Variants in SLC17A1 observed in about 807,000 individuals in gnomAD.
SLC17A1 encodes solute carrier family 17 member 1, also known as sodium-dependent phosphate transport protein 1.
In SLC17A1, 51 loss-of-function variants were observed where a neutral mutation model predicts 53.5. That is an observed-to-expected ratio of 0.95 (90% CI 0.76 to 1.20). The LOEUF (loss-of-function observed/expected upper bound fraction) is 1.20, where lower values mean the gene tolerates loss of function less well. Ranked by LOEUF, SLC17A1 falls within the 50% of genes most tolerant of loss-of-function variation. The pLI is 0.00. For synonymous variants in SLC17A1, 179 were observed against 198.8 expected (o/e 0.90, Z 0.84); for missense variants, 538 against 568.2 (o/e 0.95, Z 0.54).
chr6:25,736,193 T>C, the SLC17A1 span, among the ~76,000 whole-genome samples: 1 of 152,166 alleles, frequency 6.6e-6, no homozygotes, highest in East Asian at 1.9e-4. Flanking sequence ...CAGCTTTTCT[T>C]TCTAGTCTAC....
At chr6:25,821,227 C>T (rs1444516856) in intron 3 of SLC17A1, among the ~76,000 whole-genome samples, 3 of 152,088 alleles carry the variant, frequency 2.0e-5, no homozygotes, top group African/African-American at 4.8e-5. Flanking sequence ...TCACTATTAT[C>T]CCTCCATTCT....
chr6:25,803,314 T>G (rs1419489167), intron 10 of SLC17A1, among the ~76,000 whole-genome samples: 1 of 152,110 alleles, frequency 6.6e-6, no homozygotes, highest in Non-Finnish European at 1.5e-5. Flanking sequence ...GCACTGAGTT[T>G]GTGTAGATCT....
downstream of SLC17A1, chr6:25,780,330 C>T (rs1310912444): frequency 6.6e-6 from 1 of 152,136 alleles, no homozygotes; most frequent in East Asian, 1.9e-4. Context: ...GTAATAACAA[C>T]TGTAGAAATA....
At chr6:25,727,220 G>A in the SLC17A1 span, 18,540 of 1,613,970 alleles carry the variant, frequency 0.011, 428 homozygotes, top group African/African-American at 0.094. Context: ...GCTTGCTACT[G>A]CCGGGAGAGC....
At chr6:25,798,221 CT>C (rs1296695872) in intron 12 of SLC17A1, among the ~76,000 whole-genome samples, 1 of 152,134 alleles carries the variant, frequency 6.6e-6, no homozygotes, top group African/African-American at 2.4e-5. Flanking sequence ...CAAAATTATT[CT>C]ACAAAGAGAC....
the SLC17A1 span, chr6:25,773,367 T>C: frequency 1.9e-5 from 31 of 1,613,964 alleles, no homozygotes; most frequent in Non-Finnish European, 8.5e-6. Flanking sequence ...TGAGAAGAGA[T>C]ACATTGTGTG....
At chr6:25,821,270 C>G (rs1337933526) in intron 3 of SLC17A1, among the ~76,000 whole-genome samples, 1 of 152,092 alleles carries the variant, frequency 6.6e-6, no homozygotes, top group Non-Finnish European at 1.5e-5. Flanking sequence ...TCACTGTCAC[C>G]CTATAGCTGT....
the SLC17A1 span, among the ~76,000 whole-genome samples, chr6:25,774,704 C>T: frequency 1.3e-5 from 2 of 152,068 alleles, no homozygotes; most frequent in South Asian, 2.1e-4. Context: ...TGGGCTTGAC[C>T]CTCAGAGGCC....
At chr6:25,811,899 C>T (rs2151491894) in intron 8 of SLC17A1, 129 bp from the exon 9 acceptor site, 1 of 978,714 alleles carries the variant, frequency 1.0e-6, no homozygotes, top group South Asian at 1.7e-5. Flanking sequence ...CAACATACAA[C>T]AACAGAATTA....
At chr6:25,758,317 G>A in the SLC17A1 span, among the ~76,000 whole-genome samples, 2 of 152,180 alleles carry the variant, frequency 1.3e-5, no homozygotes, top group Non-Finnish European at 2.9e-5. Context: ...ACCAGCAACT[G>A]TCTCTAAAAA....
Position 25,819,588 on chromosome 6 carries a change from G to T in SLC17A1, c.452C>A (p.Ala151Glu), listed in dbSNP as rs1159531949. ...GACATATATTTCAAACTGGGCTGTT[G>T]CAACTATCCCCTGAAATGAGAAAGG... ...AVQGAAQGIV[A>E]TAQFEIYVKW... Residue 151 changes from alanine (A) to glutamate (E), a missense_variant, in exon 5 of 13, where the codon GCA becomes GAA. Physicochemically the swap from Ala to Glu is moderately radical, Grantham distance 107 (BLOSUM62 -1). Coordinates refer to ENST00000244527, the MANE Select transcript of SLC17A1 (RefSeq NM_005074.5). 1.2e-6 allele frequency: 2 copies of T among 1,613,862 alleles called. No individual in the cohort carries two copies. The highest frequency in any genetic ancestry group is 2.7e-5 in the African/African-American group (2 of 74,908).
chr6:25,814,710 A>G (rs984590172), intron 6 of SLC17A1, among the ~76,000 whole-genome samples: 2 of 152,162 alleles, frequency 1.3e-5, no homozygotes, highest in African/African-American at 4.8e-5. Flanking sequence ...TGGGCTGGGC[A>G]TGGTGGCTCA....
downstream of SLC17A1, chr6:25,781,237 CAAAGAAAG>C (rs4052636): frequency 6.8e-6 from 1 of 146,096 alleles, no homozygotes; most frequent in Non-Finnish European, 1.5e-5. Context: ...AAGAAAGAAA[CAAAGAAAG>C]AAAGAAAGAG....
intron 4 of SLC17A1, 37 bp from the exon 5 acceptor site, chr6:25,819,635 C>A (rs1240959444): frequency 6.2e-7 from 1 of 1,611,870 alleles, no homozygotes; most frequent in Non-Finnish European, 8.5e-7. Context: ...ATCTCTAATA[C>A]TTCCTGTGAA....
At chr6:25,743,087 A>G in the SLC17A1 span, among the ~76,000 whole-genome samples, 6 of 152,232 alleles carry the variant, frequency 3.9e-5, no homozygotes, top group Admixed American at 3.9e-4. Flanking sequence ...ATGGAAATGA[A>G]TGAGAATCAT....
chr6:25,726,828 A>C, the SLC17A1 span: 7 of 1,488,012 alleles, frequency 4.7e-6, no homozygotes, highest in Middle Eastern at 9.2e-4. Context: ...GCTGTTTAAT[A>C]CTGAAGAGCT....
At chr6:25,769,328 G>A in the SLC17A1 span, 4 of 819,136 alleles carry the variant, frequency 4.9e-6, no homozygotes, top group East Asian at 8.0e-5. Flanking sequence ...AAGTACCTAA[G>A]TATCAGGCCG....
intron 11 of SLC17A1, 103 bp downstream of exon 11, chr6:25,800,787 A>C: frequency 2.8e-6 from 2 of 714,950 alleles, no homozygotes; most frequent in Non-Finnish European, 4.9e-6. Flanking sequence ...AAAAACTCAT[A>C]AGTCATCTCC....
chr6:25,743,653 T>G, the SLC17A1 span, among the ~76,000 whole-genome samples: 40 of 151,488 alleles, frequency 2.6e-4, no homozygotes, highest in Non-Finnish European at 4.9e-4. Flanking sequence ...TGAAAGTACA[T>G]GATTTATGCT....
Sources: gnomAD v4.1 joint callset for allele counts (sites outside exome capture counted in the v4.1 genomes callset) on GRCh38, gnomAD v4.1.1 for gene constraint, MANE v1.5 for transcripts, NCBI Gene and HGNC (gene_info 2026-07-23, HGNC 2026-07-21) for gene names.